ACSL1: variants seen among roughly 807,000 people sequenced by gnomAD.
The protein encoded by ACSL1 is acyl-CoA synthetase long chain family member 1.
A neutral mutation model predicts 98.4 loss-of-function variants in ACSL1; 41 were observed. The observed-to-expected ratio is 0.42, with a 90% CI of 0.32 to 0.54. ACSL1 has a LOEUF of 0.54. Among genes scored for constraint, ACSL1 ranks in the 20% least tolerant of loss-of-function variants. ACSL1 has a pLI of 0.13. For synonymous variants in ACSL1, 316 were observed against 322.7 expected (o/e 0.98, Z 0.22); for missense variants, 734 against 883.1 (o/e 0.83, Z 2.14).
At chr4:184,782,414 G>C (rs371517988) in intron 4 of ACSL1, among the ~76,000 whole-genome samples, 1 of 151,852 alleles carries the variant, frequency 6.6e-6, no homozygotes. Flanking sequence ...AAGTGTGCAA[G>C]TCATAGATTC....
At chr4:184,808,407 GAATA>G (rs1184727851) in intron 1 of ACSL1, 2 of 985,282 alleles carry the variant, frequency 2.0e-6, no homozygotes, top group Non-Finnish European at 2.4e-6. Context: ...CAGTTTGATG[GAATA>G]CTTCACTAGG....
At chr4:184,777,291 A>G (rs113521945) in intron 5 of ACSL1, among the ~76,000 whole-genome samples, 10,365 of 152,276 alleles carry the variant, frequency 0.068, 496 homozygotes, top group Non-Finnish European at 0.093. Context: ...AAACATGGCA[A>G]AACCCTGCCT....
intron 5 of ACSL1, 43 bp downstream of exon 5, chr4:184,780,289 G>C (rs200451705): frequency 6.6e-6 from 10 of 1,523,462 alleles, no homozygotes; most frequent in African/African-American, 1.4e-5. Flanking sequence ...TTATATCTGA[G>C]AATTCTCAAA....
intron 3 of ACSL1, among the ~76,000 whole-genome samples, chr4:184,787,325 T>G (rs1767557372): frequency 6.6e-6 from 1 of 152,174 alleles, no homozygotes. Flanking sequence ...ACCACCCTGT[T>G]CTCAAGGAGC....
At chr4:184,761,228 C>T (rs868550820) in intron 17 of ACSL1, among the ~76,000 whole-genome samples, 2 of 152,142 alleles carry the variant, frequency 1.3e-5, no homozygotes, top group Admixed American at 6.5e-5. Context: ...GGGATGTGTT[C>T]GTGAGTGCCA....
chr4:184,760,449 G>C lies in ACSL1; in HGVS notation c.1690C>G (p.Gln564Glu), dbSNP rs748447983. ...TTTTCAGGGGCTATGTATTCTCCTT[G>C]TGCCAGCTTAAATATGTGCTTTTTC... ...DRKKHIFKLA[Q>E]GEYIAPEKIE... The change falls in exon 18 of 21, where the codon CAA becomes GAA. Residue 564 changes from glutamine (Q) to glutamate (E), a missense_variant. Physicochemically the swap from Gln to Glu is conservative, Grantham distance 29 (BLOSUM62 2). Coordinates refer to ENST00000281455, the MANE Select transcript of ACSL1 (RefSeq NM_001995.5). 1.2e-6 allele frequency: 2 copies of C among 1,614,126 alleles called. No individual in the cohort carries two copies. The highest frequency in any genetic ancestry group is 2.2e-5 in the South Asian group (2 of 91,080).
rs1762173934 is a variant in ACSL1, at chr4:184,756,824, C to T, written c.*301G>A. On this transcript the variant is annotated 3_prime_UTR_variant, in exon 21 of 21. Transcript: ENST00000281455. ...AAACAGGGAGACAGAAGATTTAAAA[C>T]CCACTTTTTAAACTGAGGAAGTCTC... 4.2e-6 allele frequency: 1 copy of T among 237,296 alleles called. No individual in the cohort carries two copies. The highest frequency in any genetic ancestry group is 5.0e-5 in the Admixed American group (1 of 19,994). The allele number at this position is 237,296 out of a possible 1,614,324, so 14.7% of individuals were successfully genotyped here. A position where few individuals can be genotyped will look rare whatever the true frequency, so the allele number is the denominator to read the frequency against.
chr4:184,782,335 A>G (rs555452368), intron 4 of ACSL1, among the ~76,000 whole-genome samples: 2 of 152,284 alleles, frequency 1.3e-5, no homozygotes, highest in East Asian at 3.9e-4. Flanking sequence ...TGACTGAAAA[A>G]AAAAAAAAGA....
rs1769005122 is a variant in ACSL1 at position 184,794,568 on chromosome 4, T to C, written c.196-5837A>G. 2.6e-5 allele frequency among the ~76,000 whole-genome samples: 4 copies of C among 152,076 alleles called. No homozygotes were observed. In the South Asian group the frequency reaches 8.3e-4, roughly 32 times the overall value. ...AAGATGGGAGGTGAGTGAATGTGTA[T>C]GGAGCCTGCTAAAGGCCAGCCCCTC... On this transcript the variant is annotated intron_variant, in intron 2 of 20. Transcript: ENST00000281455.
chr4:184,767,700 G>A (rs1265458627), intron 12 of ACSL1, among the ~76,000 whole-genome samples: 1 of 152,150 alleles, frequency 6.6e-6, no homozygotes, highest in Non-Finnish European at 1.5e-5. Context: ...ACATAAGAAC[G>A]TTCTGAGAGA....
At chr4:184,768,990 A>G (rs1261018813) in intron 11 of ACSL1, among the ~76,000 whole-genome samples, 3 of 151,614 alleles carry the variant, frequency 2.0e-5, no homozygotes, top group African/African-American at 7.3e-5. Flanking sequence ...AATCGCTTGA[A>G]CCCAGGAGGC....
chr4:184,771,137 A>G (rs1764453289), intron 10 of ACSL1, among the ~76,000 whole-genome samples: 2 of 152,160 alleles, frequency 1.3e-5, no homozygotes, highest in Non-Finnish European at 2.9e-5. Flanking sequence ...AAAAAAAGCA[A>G]TACTTTAATT....
Position 184,820,344 on chromosome 4 carries a change from C to T in ACSL1, c.-33+5572G>A, listed in dbSNP as rs906104418. Reference sequence around the variant, plus strand: ...TCATGCGTCTCAATTGTTCTCCAGCCTTACAAGACCAATGTCCAGGGCAGG... The same window carrying T: ...TCATGCGTCTCAATTGTTCTCCAGCTTTACAAGACCAATGTCCAGGGCAGG... On this transcript the variant is annotated intron_variant, in intron 1 of 20. Coordinates refer to ENST00000281455, the MANE Select transcript of ACSL1 (RefSeq NM_001995.5). Among the ~76,000 whole-genome samples, 7 of 152,114 alleles carry T rather than the reference C, an allele frequency of 4.6e-5. 1 individual carries two copies. Among genetic ancestry groups the T allele is most frequent in the Admixed American group, 3.3e-4 (5 of 15,260 alleles).
In ACSL1 at chr4:184,759,982, A is replaced by T. The variant is rs1031537903; in HGVS notation, c.1782+375T>A. ...CACCGTTTGCTCAAAAATGATTAGG[A>T]AGCATATCATCAATAGGCTGGGTTT... On this transcript the variant is annotated intron_variant, in intron 18 of 20. Transcript: ENST00000281455. Among the ~76,000 whole-genome samples, 6 of 152,326 alleles carry T rather than the reference A, an allele frequency of 3.9e-5. No homozygotes were observed. In the South Asian group the frequency reaches 1.2e-3, roughly 32 times the overall value.
chr4:184,789,423 C>T (rs1430795646), intron 2 of ACSL1, among the ~76,000 whole-genome samples: 1 of 152,220 alleles, frequency 6.6e-6, no homozygotes, highest in Non-Finnish European at 1.5e-5. Flanking sequence ...AAAATGTTAC[C>T]TATATTCTTT....
chr4:184,768,187 CTG>C (rs1434726294), intron 12 of ACSL1, 127 bp downstream of exon 12: 1 of 1,000,580 alleles, frequency 1.0e-6, no homozygotes, highest in East Asian at 2.9e-5. Flanking sequence ...GATGAGTAAA[CTG>C]AAGTTCTGTA....
chr4:184,758,774 T>A (rs577817156), intron 18 of ACSL1: 9 of 152,350 alleles, frequency 5.9e-5, no homozygotes, highest in East Asian at 5.8e-4. Flanking sequence ...TCTTTTTTTT[T>A]TAAATTATAC....
At chr4:184,805,710 T>C (rs563627746) in intron 1 of ACSL1, 98 of 159,126 alleles carry the variant, frequency 6.2e-4, no homozygotes, top group African/African-American at 2.3e-3. Context: ...TAAAGGTAAC[T>C]AGCAGACAAA....
chr4:184,816,650 G>A (rs1199886652), intron 1 of ACSL1, among the ~76,000 whole-genome samples: 1 of 152,044 alleles, frequency 6.6e-6, no homozygotes, highest in Non-Finnish European at 1.5e-5. Flanking sequence ...TATATTTTAT[G>A]TACCCGTGAC....
Sources: allele counts gnomAD v4.1 joint callset (sites outside exome capture counted in the v4.1 genomes callset), GRCh38; gene constraint gnomAD v4.1.1; transcripts MANE v1.5; gene names NCBI Gene and HGNC (gene_info 2026-07-23, HGNC 2026-07-21).